The following NLGN1 variants were observed in gnomAD, a reference collection of about 807,000 sequenced individuals.
NLGN1 encodes neuroligin 1, also known as neuroligin-1.
A neutral mutation model predicts 65.5 loss-of-function variants in NLGN1; 12 were observed. The ratio of observed to expected loss-of-function variants is 0.18; its 90% confidence interval spans 0.12 to 0.30. The LOEUF (loss-of-function observed/expected upper bound fraction) is 0.30. NLGN1 is among the 10% of genes least tolerant of loss of function. The pLI is 1.00. For missense variants in NLGN1, 750 were observed against 1,007.1 expected, an observed-to-expected ratio of 0.74 and a Z score of 3.46; for synonymous variants, 350 against 359.5, an observed-to-expected ratio of 0.97 and a Z score of 0.30.
Position 173,879,030 on chromosome 3 carries a change from C to T in NLGN1, c.646+71198C>T, listed in dbSNP as rs1395182635. On this transcript the variant is annotated intron_variant, in intron 4 of 6. Coordinates refer to ENST00000457714, the Ensembl canonical transcript of NLGN1. ...TGTGGATCACCTGAGGTCAGGAGTT[C>T]GAGACCAGCCTGGCCAACACGTTGA... 2.6e-5 allele frequency among the ~76,000 whole-genome samples: 4 copies of T among 151,932 alleles called. No homozygotes were observed. In the East Asian group the frequency reaches 7.7e-4, roughly 29 times the overall value.
chr3:173,949,202 T>C (rs2152325345), intron 4 of NLGN1, among the ~76,000 whole-genome samples: 1 of 152,248 alleles, frequency 6.6e-6, no homozygotes, highest in South Asian at 2.1e-4. Context: ...TTTATTATAC[T>C]TGCAAATCTC....
intron 4 of NLGN1, among the ~76,000 whole-genome samples, chr3:173,909,062 G>A (rs898489889): frequency 6.6e-6 from 1 of 151,970 alleles, no homozygotes; most frequent in Admixed American, 6.6e-5. Flanking sequence ...TCCATTACTG[G>A]CAAACATTTG....
At chr3:173,401,224 C>A (rs1717632248) in intron 1 of NLGN1, among the ~76,000 whole-genome samples, 1 of 151,428 alleles carries the variant, frequency 6.6e-6, no homozygotes, top group Non-Finnish European at 1.5e-5. Flanking sequence ...TGGTAGTGCA[C>A]CCCACCCCCA....
intron 4 of NLGN1, among the ~76,000 whole-genome samples, chr3:173,854,775 G>C (rs1284373914): frequency 6.6e-6 from 1 of 152,072 alleles, no homozygotes; most frequent in Non-Finnish European, 1.5e-5. Context: ...CATAGAAATA[G>C]AAGGAGACAA....
intron 3 of NLGN1, among the ~76,000 whole-genome samples, chr3:173,705,455 G>T (rs1031311181): frequency 6.6e-6 from 1 of 152,094 alleles, no homozygotes. Context: ...TTGCCTTCTG[G>T]GTAATAGATG....
intron 4 of NLGN1, among the ~76,000 whole-genome samples, chr3:174,246,962 C>T (rs1196336413): frequency 6.6e-6 from 1 of 152,106 alleles, no homozygotes; most frequent in Non-Finnish European, 1.5e-5. Flanking sequence ...GATCCTTAGC[C>T]TCATTATGCT....
In NLGN1 at chr3:174,186,082, A is replaced by G. The variant is rs1309418791; in HGVS notation, c.647-89233A>G. 2.6e-5 allele frequency among the ~76,000 whole-genome samples: 4 copies of G among 152,108 alleles called. No homozygotes were observed. The East Asian group carries it at 7.7e-4, about 29-fold the overall frequency. ...GGAAATAAACTATTTTAATAAAACT[A>G]GCAGAGTTGATGTTCAGAAAGAAAA... On this transcript the variant is annotated intron_variant, in intron 4 of 6. Coordinates refer to ENST00000457714, the Ensembl canonical transcript of NLGN1.
intron 3 of NLGN1, among the ~76,000 whole-genome samples, chr3:173,659,558 G>A (rs1252808143): frequency 1.3e-5 from 2 of 151,826 alleles, no homozygotes; most frequent in African/African-American, 4.8e-5. Flanking sequence ...AACTTCCAGA[G>A]CAGCAGTTTA....
At chr3:173,649,669 G>C (rs934161013) in intron 3 of NLGN1, among the ~76,000 whole-genome samples, 10 of 151,784 alleles carry the variant, frequency 6.6e-5, no homozygotes, top group African/African-American at 2.4e-4. Context: ...CAACACACAG[G>C]CAACTATAAT....
intron 4 of NLGN1, among the ~76,000 whole-genome samples, chr3:173,933,135 A>T (rs1744410008): frequency 6.6e-6 from 1 of 152,130 alleles, no homozygotes; most frequent in Non-Finnish European, 1.5e-5. Flanking sequence ...TTATTTTGAG[A>T]GTCATTAAGT....
At position 173,423,920 on chromosome 3, in the gene NLGN1, C is replaced by T. The variant is rs558614855; in HGVS notation, c.-389-11090C>T. On this transcript the variant is annotated intron_variant, in intron 1 of 6. Transcript: ENST00000457714. ...GCACTTCCGTAGCAGAGGTTCTCCA[C>T]GAGGACTCCACTGCAGCAGACTTCT... Among the ~76,000 whole-genome samples the T allele has an allele frequency of 1.1e-3, 170 of 152,272 alleles. 2 individuals are homozygous for T. The highest frequency in any genetic ancestry group is 3.4e-3 in the African/African-American group (143 of 41,550).
intron 4 of NLGN1, among the ~76,000 whole-genome samples, chr3:173,860,499 A>G (rs1280714771): frequency 6.6e-6 from 1 of 152,160 alleles, no homozygotes; most frequent in Non-Finnish European, 1.5e-5. Flanking sequence ...CTTTTGTTCT[A>G]GAAAGTCAAA....
intron 3 of NLGN1, among the ~76,000 whole-genome samples, chr3:173,649,971 A>T (rs1758884898): frequency 6.6e-6 from 1 of 152,118 alleles, no homozygotes; most frequent in South Asian, 2.1e-4. Flanking sequence ...TTACCTCATA[A>T]AAGGATACTA....
At chr3:173,490,591 C>T (rs969585930) in intron 2 of NLGN1, among the ~76,000 whole-genome samples, 2 of 152,046 alleles carry the variant, frequency 1.3e-5, no homozygotes, top group African/African-American at 2.4e-5. Context: ...TTTTGTGGTT[C>T]CATATGAACT....
intron 1 of NLGN1, among the ~76,000 whole-genome samples, chr3:173,411,645 T>C (rs896289053): frequency 6.6e-6 from 1 of 152,142 alleles, no homozygotes; most frequent in African/African-American, 2.4e-5. Flanking sequence ...TTTGTGTATA[T>C]GAAGTGAGGA....
In NLGN1 at chr3:174,066,911, A is replaced by G. The variant is rs1738736033; in HGVS notation, c.647-208404A>G. On this transcript the variant is annotated intron_variant, in intron 4 of 6. Coordinates refer to ENST00000457714, the Ensembl canonical transcript of NLGN1. ...GTAAGTTCTTCAAATATTCTCAATG[A>G]AACTAAAGTGTTTTTCTCAGACTGT... Among the ~76,000 whole-genome samples the G allele has an allele frequency of 2.6e-5, 4 of 152,130 alleles. No homozygotes were observed. The South Asian group carries it at 8.3e-4, about 32-fold the overall frequency.
chr3:173,503,553 T>A (rs1260239379), intron 2 of NLGN1, among the ~76,000 whole-genome samples: 1 of 152,046 alleles, frequency 6.6e-6, no homozygotes, highest in Non-Finnish European at 1.5e-5. Context: ...TGTAGAAGAT[T>A]TTACTTTTTA....
chr3:174,092,707 A>G (rs1744756005), intron 4 of NLGN1, among the ~76,000 whole-genome samples: 1 of 152,068 alleles, frequency 6.6e-6, no homozygotes, highest in Non-Finnish European at 1.5e-5. Context: ...GCTGCCATAT[A>G]TGCACTCCAA....
intron 4 of NLGN1, among the ~76,000 whole-genome samples, chr3:173,970,892 A>G (rs1356315891): frequency 6.6e-6 from 1 of 152,138 alleles, no homozygotes; most frequent in East Asian, 1.9e-4. Context: ...GTAGGGTGCT[A>G]CTGGAGAATT....
Sources: allele counts gnomAD v4.1 joint callset (sites outside exome capture counted in the v4.1 genomes callset), GRCh38; gene constraint gnomAD v4.1.1; transcripts MANE v1.5; gene names NCBI Gene and HGNC (gene_info 2026-07-23, HGNC 2026-07-21).